The following AGMO variants were observed in gnomAD, a reference collection of about 807,000 sequenced individuals.
AGMO encodes glyceryl-ether monooxygenase.
A neutral mutation model predicts 60.2 loss-of-function variants in AGMO; 75 were observed. The ratio of observed to expected loss-of-function variants is 1.25; its 90% CI spans 1.03 to 1.51. The LOEUF is 1.51. AGMO is among the 40% of genes most tolerant of loss of function. The pLI is 0.00. For synonymous variants in AGMO, 261 were observed against 177.1 expected (o/e 1.47, Z -3.76); for missense variants, 763 against 525.5 (o/e 1.45, Z -4.42).
At chr7:15,326,053 G>C (rs1162953442) in intron 12 of AGMO, among the ~76,000 whole-genome samples, 2 of 152,036 alleles carry the variant, frequency 1.3e-5, no homozygotes, top group African/African-American at 2.4e-5. Context: ...ATTAGAAGCA[G>C]TGCTAAATTA....
intron 3 of AGMO, among the ~76,000 whole-genome samples, chr7:15,477,261 A>T (rs1782620922): frequency 6.6e-6 from 1 of 152,136 alleles, no homozygotes. Context: ...AGAAAGATAT[A>T]CATAAGGAAG....
In AGMO at chr7:15,383,498, C is replaced by T. The variant is rs530152742; in HGVS notation, c.1074+1948G>A. Among the ~76,000 whole-genome samples the T allele has an allele frequency of 2.1e-3, 316 of 152,014 alleles. 3 individuals carry two copies. Among genetic ancestry groups the T allele is most frequent in the African/African-American group, 7.3e-3 (302 of 41,450 alleles). ...GGACCTATTTCAAGAAACCTCCTTT[C>T]CTTATAATTAACTATATAAATCATA... On this transcript the variant is annotated intron_variant, in intron 10 of 12. Transcript: ENST00000342526.
chr7:15,213,593 C>T (rs1381549437), intron 12 of AGMO, among the ~76,000 whole-genome samples: 1 of 151,724 alleles, frequency 6.6e-6, no homozygotes, highest in Non-Finnish European at 1.5e-5. Context: ...TTTATAAAAG[C>T]ATCCTCCACA....
chr7:15,522,037 C>G (rs1284113495), intron 3 of AGMO, among the ~76,000 whole-genome samples: 1 of 151,834 alleles, frequency 6.6e-6, no homozygotes. Flanking sequence ...AATCACAAGC[C>G]TCCGTATACA....
At chr7:15,408,150 T>G (rs1443657063) in intron 5 of AGMO, among the ~76,000 whole-genome samples, 1 of 151,796 alleles carries the variant, frequency 6.6e-6, no homozygotes, top group East Asian at 1.9e-4. Flanking sequence ...AGGAAGCAAA[T>G]AGCAGGGCAG....
At chr7:15,267,659 T>C (rs888247928) in intron 12 of AGMO, among the ~76,000 whole-genome samples, 2 of 151,984 alleles carry the variant, frequency 1.3e-5, no homozygotes, top group African/African-American at 4.8e-5. Context: ...ACACAGCTTC[T>C]ACCCATTTTA....
intron 12 of AGMO, among the ~76,000 whole-genome samples, chr7:15,244,051 C>T (rs1195255939): frequency 2.6e-5 from 4 of 152,092 alleles, no homozygotes; most frequent in Non-Finnish European, 5.9e-5. Flanking sequence ...TTTGTCCTTT[C>T]CTAAAAGCAT....
intron 12 of AGMO, among the ~76,000 whole-genome samples, chr7:15,325,766 C>A (rs568184468): frequency 3.3e-5 from 5 of 151,912 alleles, no homozygotes; most frequent in African/African-American, 1.2e-4. Flanking sequence ...ATTTTTGAAC[C>A]CTGTATATTA....
At chr7:15,353,087 T>A (rs560743633) in intron 12 of AGMO, among the ~76,000 whole-genome samples, 1 of 152,076 alleles carries the variant, frequency 6.6e-6, no homozygotes, top group East Asian at 1.9e-4. Context: ...TGATTATTTT[T>A]AAAAAGGTGG....
intron 3 of AGMO, among the ~76,000 whole-genome samples, chr7:15,536,931 A>T (rs1421560113): frequency 6.6e-6 from 1 of 151,958 alleles, no homozygotes; most frequent in African/African-American, 2.4e-5. Flanking sequence ...TTTGGTCTAA[A>T]ATGGCTGTAT....
intron 10 of AGMO, among the ~76,000 whole-genome samples, chr7:15,378,631 C>T (rs141930732): frequency 1.3e-4 from 19 of 151,868 alleles, no homozygotes; most frequent in Admixed American, 3.3e-4. Context: ...AATATTAGAT[C>T]ATCCAGACAG....
intron 4 of AGMO, among the ~76,000 whole-genome samples, chr7:15,420,150 G>T (rs934103337): frequency 6.6e-6 from 1 of 152,090 alleles, no homozygotes; most frequent in Non-Finnish European, 1.5e-5. Context: ...ATTTCCCAAA[G>T]TGTGGAGAAG....
intron 10 of AGMO, among the ~76,000 whole-genome samples, chr7:15,383,763 G>C (rs1054706701): frequency 1.3e-5 from 2 of 151,946 alleles, no homozygotes; most frequent in African/African-American, 4.8e-5. Context: ...TGTATTCACT[G>C]AATGTTAATC....
intron 2 of AGMO, among the ~76,000 whole-genome samples, chr7:15,552,894 C>G (rs1201611473): frequency 7.3e-5 from 11 of 150,008 alleles, no homozygotes; most frequent in Non-Finnish European, 1.6e-4. Flanking sequence ...CGGCATTATT[C>G]ACGATAGCAA....
At chr7:15,245,200 T>C (rs1321207415) in intron 12 of AGMO, among the ~76,000 whole-genome samples, 2 of 152,148 alleles carry the variant, frequency 1.3e-5, no homozygotes, top group South Asian at 2.1e-4. Flanking sequence ...GTTTCCTTTT[T>C]CTTTGACTAC....
At chr7:15,518,859 A>G (rs1783898856) in intron 3 of AGMO, among the ~76,000 whole-genome samples, 1 of 152,004 alleles carries the variant, frequency 6.6e-6, no homozygotes, top group African/African-American at 2.4e-5. Flanking sequence ...GTGGGTAATA[A>G]AAAACTCCTC....
chr7:15,477,309 T>C (rs1038275627), intron 3 of AGMO, among the ~76,000 whole-genome samples: 3 of 152,044 alleles, frequency 2.0e-5, no homozygotes, highest in African/African-American at 7.2e-5. Flanking sequence ...ACTGAAACAG[T>C]TAACTAAAAT....
At chr7:15,226,781 A>T (rs1782095386) in intron 12 of AGMO, among the ~76,000 whole-genome samples, 1 of 152,096 alleles carries the variant, frequency 6.6e-6, no homozygotes, top group African/African-American at 2.4e-5. Context: ...ACAACACTGG[A>T]TCTTGAAAAT....
At chr7:15,508,694 T>G (rs1300289700) in intron 3 of AGMO, among the ~76,000 whole-genome samples, 2 of 152,006 alleles carry the variant, frequency 1.3e-5, no homozygotes, top group African/African-American at 4.8e-5. Context: ...GATAGTCCAC[T>G]TCTCATCCCT....
Sources: gnomAD v4.1 joint callset for allele counts (sites outside exome capture counted in the v4.1 genomes callset) on GRCh38, gnomAD v4.1.1 for gene constraint, MANE v1.5 for transcripts, NCBI Gene and HGNC (gene_info 2026-07-23, HGNC 2026-07-21) for gene names.